The following EML1 variants were observed in gnomAD, a reference collection of about 807,000 sequenced individuals.
The protein encoded by EML1 is EMAP like 1.
A neutral mutation model predicts 110.4 loss-of-function variants in EML1; 27 were observed. That is an observed-to-expected ratio of 0.24 (90% CI 0.18 to 0.34). The LOEUF (loss-of-function observed/expected upper bound fraction) is 0.34. Ranked by LOEUF, EML1 falls within the 10% of genes least tolerant of loss-of-function variation. EML1 has a pLI of 1.00. For synonymous variants in EML1, 344 were observed against 385.8 expected (o/e 0.89, Z 1.27); for missense variants, 741 against 1,030.9 (o/e 0.72, Z 3.85).
chr14:99,914,674 C>G lies in EML1; in HGVS notation c.1729C>G (p.Pro577Ala), dbSNP rs150691576. The G allele has an allele frequency of 5.0e-6, 8 of 1,609,040 alleles. No individual in the cohort carries two copies. In the Admixed American group the frequency reaches 5.2e-5, roughly 10 times the overall value. Residue 577 changes from proline to alanine, a missense_variant, in exon 15 of 22, where the codon CCC (proline) becomes GCC (alanine). Physicochemically the swap from Pro to Ala is conservative, Grantham distance 27. Coordinates refer to ENST00000262233, the MANE Select transcript of EML1 (RefSeq NM_004434.3). Reference sequence around the variant, plus strand: ...TCTCTGGGACGCTGTGGGTCACCGTCCCGTCTGGGACAAAATAATAGAGGT... The same window carrying G: ...TCTCTGGGACGCTGTGGGTCACCGTGCCGTCTGGGACAAAATAATAGAGGT... Reference protein sequence around the residue: ...ATLWDAVGHRPVWDKIIEDPA... With the variant: ...ATLWDAVGHRAVWDKIIEDPA...
intron 1 of EML1, among the ~76,000 whole-genome samples, chr14:99,762,124 A>G (rs2057320500): frequency 6.6e-6 from 1 of 152,060 alleles, no homozygotes; most frequent in South Asian, 2.1e-4. Flanking sequence ...ACATAAATTA[A>G]TTTGCACAAT....
At chr14:99,884,858 G>T (rs543964319) in intron 4 of EML1, among the ~76,000 whole-genome samples, 1 of 152,210 alleles carries the variant, frequency 6.6e-6, no homozygotes, top group African/African-American at 2.4e-5. Context: ...GGGGGTGGGG[G>T]CAGGGAAGGT....
intron 17 of EML1, among the ~76,000 whole-genome samples, chr14:99,931,259 C>A (rs908762518): frequency 6.6e-6 from 1 of 152,206 alleles, no homozygotes; most frequent in African/African-American, 2.4e-5. Context: ...CCTCCCTCCC[C>A]ACCCCAGATC....
chr14:99,838,594 G>A (rs1431023800), intron 1 of EML1, among the ~76,000 whole-genome samples: 2 of 150,542 alleles, frequency 1.3e-5, no homozygotes, highest in African/African-American at 2.4e-5. Flanking sequence ...TGGCAACCTC[G>A]TGTGCCTTGC....
intron 1 of EML1, among the ~76,000 whole-genome samples, chr14:99,814,297 A>G (rs184283620): frequency 9.5e-4 from 144 of 152,290 alleles, no homozygotes; most frequent in African/African-American, 3.3e-3. Context: ...TAGGGACCAG[A>G]TCTCGCTTTG....
chr14:99,828,893 CTCG>C (rs763425378), intron 1 of EML1, among the ~76,000 whole-genome samples: 41 of 152,234 alleles, frequency 2.7e-4, no homozygotes, highest in Non-Finnish European at 5.3e-4. Context: ...GGTCTTCATC[CTCG>C]TCGTCTTCAC....
At chr14:99,880,567 C>T (rs186747495) in intron 4 of EML1, among the ~76,000 whole-genome samples, 2 of 152,262 alleles carry the variant, frequency 1.3e-5, no homozygotes, top group East Asian at 1.9e-4. Flanking sequence ...AACATTACTG[C>T]GTTCAGTGGA....
rs73360307 is a variant in EML1 at position 99,879,618 on chromosome 14, C to T, written c.518+999C>T. ...GTCTGTTGTAGAAAACATAGAGACA[C>T]TTCTCACATCTATAACAGGTCAGGT... On this transcript the variant is annotated intron_variant, in intron 4 of 21. Transcript: ENST00000262233. Among the ~76,000 whole-genome samples, 730 of 152,320 alleles carry T rather than the reference C, an allele frequency of 4.8e-3. 7 individuals carry two copies. Among genetic ancestry groups the T allele is most frequent in the African/African-American group, 0.017 (700 of 41,570 alleles).
chr14:99,822,139 C>T (rs914064024), intron 1 of EML1, among the ~76,000 whole-genome samples: 1 of 152,186 alleles, frequency 6.6e-6, no homozygotes, highest in African/African-American at 2.4e-5. Flanking sequence ...GATGTCCTAC[C>T]AGAGGGCAGG....
At chr14:99,835,516 G>A (rs1319465094) in intron 1 of EML1, among the ~76,000 whole-genome samples, 3 of 152,058 alleles carry the variant, frequency 2.0e-5, no homozygotes, top group Non-Finnish European at 4.4e-5. Context: ...GGTTCCTGAA[G>A]GTTTGGTTTT....
rs574155922 is a variant in EML1, at chr14:99,860,652, G to C, written c.251-4862G>C. 2.0e-5 allele frequency among the ~76,000 whole-genome samples: 3 copies of C among 152,308 alleles called. No homozygotes were observed. The East Asian group carries it at 5.8e-4, about 29-fold the overall frequency. ...TAGGTACTTAGTAAGCGTGCTGGTG[G>C]TGGGGGTTACGATGCTATTTAATCA... On this transcript the variant is annotated intron_variant, in intron 2 of 21. Transcript: ENST00000262233.
chr14:99,864,441 T>C (rs1334598244), intron 2 of EML1, among the ~76,000 whole-genome samples: 3 of 152,238 alleles, frequency 2.0e-5, no homozygotes, highest in Non-Finnish European at 2.9e-5. Flanking sequence ...TTTATAGTTT[T>C]GCATTTTAAA....
At chr14:99,844,307 C>T (rs145829931) in intron 1 of EML1, among the ~76,000 whole-genome samples, 1,803 of 152,154 alleles carry the variant, frequency 0.012, 23 homozygotes, top group Middle Eastern at 0.027. Flanking sequence ...AGCGAAACCC[C>T]GTCTCTACTG....
At chr14:99,882,816 C>T (rs1006888586) in intron 4 of EML1, among the ~76,000 whole-genome samples, 15 of 146,620 alleles carry the variant, frequency 1.0e-4, no homozygotes, top group Admixed American at 2.0e-4. Flanking sequence ...TTGGAGTCAA[C>T]AAACATGAAA....
At chr14:99,912,463 G>A (rs1176219652) in intron 13 of EML1, among the ~76,000 whole-genome samples, 1 of 152,160 alleles carries the variant, frequency 6.6e-6, no homozygotes, top group African/African-American at 2.4e-5. Flanking sequence ...TGCAAAATTG[G>A]CCTCATTCTG....
chr14:99,858,791 A>G (rs1595389576), intron 2 of EML1, among the ~76,000 whole-genome samples: 1 of 152,212 alleles, frequency 6.6e-6, no homozygotes, highest in African/African-American at 2.4e-5. Flanking sequence ...TGCCTTTTCC[A>G]GTTCTAAATA....
At chr14:99,759,984 G>A (rs566119791) in intron 1 of EML1, among the ~76,000 whole-genome samples, 144 of 146,478 alleles carry the variant, frequency 9.8e-4, no homozygotes, top group African/African-American at 3.5e-3. Context: ...GCGGGTGCCT[G>A]TAATCCCAGC....
chr14:99,775,783 A>G (rs1246420935), intron 1 of EML1, among the ~76,000 whole-genome samples: 1 of 152,202 alleles, frequency 6.6e-6, no homozygotes, highest in Non-Finnish European at 1.5e-5. Flanking sequence ...TAAGATATGC[A>G]TATAACTTAT....
intron 1 of EML1, among the ~76,000 whole-genome samples, chr14:99,753,219 C>T (rs1182019382): frequency 1.4e-5 from 2 of 140,994 alleles, no homozygotes; most frequent in African/African-American, 2.6e-5. Context: ...CCCCCCACCC[C>T]CCACTGCCCC....
Sources: allele counts gnomAD v4.1 joint callset (sites outside exome capture counted in the v4.1 genomes callset), GRCh38; gene constraint gnomAD v4.1.1; transcripts MANE v1.5; gene names NCBI Gene and HGNC (gene_info 2026-07-23, HGNC 2026-07-21).